Variants in NDUFAF2 observed in about 807,000 individuals in gnomAD.
NDUFAF2 encodes NADH dehydrogenase [ubiquinone] 1 alpha subcomplex assembly factor 2.
A neutral mutation model predicts 22.8 loss-of-function variants in NDUFAF2; 13 were observed. That is an observed-to-expected ratio of 0.57 (90% CI 0.37 to 0.91). The LOEUF is 0.91. NDUFAF2 is among the 40% of genes least tolerant of loss of function. NDUFAF2 has a pLI of 0.01. For synonymous variants in NDUFAF2, 53 were observed against 64.2 expected (o/e 0.83, Z 0.84); for missense variants, 162 against 195.2 (o/e 0.83, Z 1.01).
chr5:61,118,569 A>G (rs971340462), intron 3 of NDUFAF2, among the ~76,000 whole-genome samples: 2 of 151,786 alleles, frequency 1.3e-5, no homozygotes, highest in African/African-American at 4.9e-5. Flanking sequence ...AGCCTTGCCA[A>G]TTAAGTTATA....
intron 3 of NDUFAF2, among the ~76,000 whole-genome samples, chr5:61,138,893 T>C (rs542632058): frequency 6.6e-6 from 1 of 152,202 alleles, no homozygotes; most frequent in Non-Finnish European, 1.5e-5. Flanking sequence ...TTTGGACATA[T>C]TTAATTTAAC....
intron 1 of NDUFAF2, among the ~76,000 whole-genome samples, chr5:60,972,799 T>C (rs1251716175): frequency 2.8e-4 from 43 of 150,960 alleles, no homozygotes; most frequent in Admixed American, 2.2e-3. Context: ...GTTTTCTTTT[T>C]TTTTTTTGCT....
chr5:60,969,565 T>G (rs565612301), intron 1 of NDUFAF2, among the ~76,000 whole-genome samples: 34 of 150,874 alleles, frequency 2.3e-4, no homozygotes, highest in South Asian at 1.0e-3. Flanking sequence ...GATTATCAGG[T>G]TTTTTTTTAC....
At position 61,101,414 on chromosome 5, in the gene NDUFAF2, C is replaced by T. The variant is rs184354443; in HGVS notation, c.258+2382C>T. 2.0e-3 allele frequency among the ~76,000 whole-genome samples: 311 copies of T among 152,200 alleles called. 2 individuals carry two copies. Among genetic ancestry groups the T allele is most frequent in the African/African-American group, 7.2e-3 (298 of 41,550 alleles). On this transcript the variant is annotated intron_variant, in intron 3 of 3. Transcript: ENST00000296597. The stretch of plus-strand genomic sequence containing the variant: ...AGACTTGTCCATTTCGTAAAAACTT[C>T]GTATTTGTTTTAAATCTTTCAGTCT...
intron 1 of NDUFAF2, among the ~76,000 whole-genome samples, chr5:61,066,483 T>A (rs1752229451): frequency 6.6e-6 from 1 of 152,092 alleles, no homozygotes; most frequent in Non-Finnish European, 1.5e-5. Flanking sequence ...AAAATTTTAT[T>A]ACAGAGCTAT....
intron 2 of NDUFAF2, among the ~76,000 whole-genome samples, chr5:61,084,920 C>G (rs1201383982): frequency 6.6e-6 from 1 of 151,998 alleles, no homozygotes; most frequent in African/African-American, 2.4e-5. Flanking sequence ...ACAACATGAC[C>G]CAATTGACAT....
At chr5:61,104,161 A>AG (rs2111774123) in intron 3 of NDUFAF2, among the ~76,000 whole-genome samples, 1 of 152,218 alleles carries the variant, frequency 6.6e-6, no homozygotes, top group African/African-American at 2.4e-5. Flanking sequence ...GCATCTGGTA[A>AG]TAGTTCAGCA....
At chr5:61,066,072 A>G (rs1752224152) in intron 1 of NDUFAF2, among the ~76,000 whole-genome samples, 1 of 152,088 alleles carries the variant, frequency 6.6e-6, no homozygotes, top group South Asian at 2.1e-4. Flanking sequence ...ACACAACCTA[A>G]CTGAAAAAGA....
chr5:61,034,194 G>A (rs946774213), intron 1 of NDUFAF2, among the ~76,000 whole-genome samples: 2 of 152,078 alleles, frequency 1.3e-5, no homozygotes, highest in African/African-American at 4.8e-5. Flanking sequence ...AACAAATATG[G>A]GCAATATACC....
chr5:61,043,987 C>T (rs1342616128), intron 1 of NDUFAF2, among the ~76,000 whole-genome samples: 1 of 152,084 alleles, frequency 6.6e-6, no homozygotes, highest in African/African-American at 2.4e-5. Flanking sequence ...TGCAAGAGTT[C>T]GCTTTTCCCC....
intron 2 of NDUFAF2, among the ~76,000 whole-genome samples, chr5:61,094,272 A>C (rs769810865): frequency 6.6e-6 from 1 of 152,064 alleles, no homozygotes; most frequent in African/African-American, 2.4e-5. Flanking sequence ...AACTTGGTCT[A>C]TTCTGTTATT....
intron 1 of NDUFAF2, among the ~76,000 whole-genome samples, chr5:61,036,049 A>G (rs529775606): frequency 6.6e-6 from 1 of 151,350 alleles, no homozygotes; most frequent in Non-Finnish European, 1.5e-5. Flanking sequence ...TATCTTATTG[A>G]CATCACTTGG....
chr5:61,040,860 A>G (rs2111680846), intron 1 of NDUFAF2, among the ~76,000 whole-genome samples: 1 of 152,336 alleles, frequency 6.6e-6, no homozygotes, highest in East Asian at 1.9e-4. Flanking sequence ...TAGCAAAAGT[A>G]GGATAACTGT....
intron 1 of NDUFAF2, among the ~76,000 whole-genome samples, chr5:60,966,062 C>T (rs1609041): frequency 0.15 from 22,533 of 152,000 alleles, 2,122 homozygotes; most frequent in South Asian, 0.28. Context: ...ACTAGCCATT[C>T]GAATAGGTGC....
chr5:60,972,397 T>G (rs1283376540), intron 1 of NDUFAF2, among the ~76,000 whole-genome samples: 1 of 152,142 alleles, frequency 6.6e-6, no homozygotes, highest in Admixed American at 6.5e-5. Flanking sequence ...CCAATCCTGC[T>G]CTTGTGGTGA....
intron 3 of NDUFAF2, among the ~76,000 whole-genome samples, chr5:61,140,936 T>G (rs993738403): frequency 6.6e-6 from 1 of 152,176 alleles, no homozygotes; most frequent in Non-Finnish European, 1.5e-5. Context: ...GGATAATAAC[T>G]GGGACACCAG....
intron 3 of NDUFAF2, among the ~76,000 whole-genome samples, chr5:61,120,614 A>G (rs1292863227): frequency 6.6e-6 from 1 of 152,150 alleles, no homozygotes; most frequent in Non-Finnish European, 1.5e-5. Context: ...TTGAATATAA[A>G]TAAGGTGCTA....
intron 1 of NDUFAF2, among the ~76,000 whole-genome samples, chr5:60,984,745 C>A (rs1751044850): frequency 6.6e-6 from 1 of 152,082 alleles, no homozygotes; most frequent in Non-Finnish European, 1.5e-5. Flanking sequence ...GGATGAAGCC[C>A]ACTTGATCAT....
intron 1 of NDUFAF2, among the ~76,000 whole-genome samples, chr5:60,998,016 A>T (rs1751249885): frequency 6.6e-6 from 1 of 152,170 alleles, no homozygotes; most frequent in African/African-American, 2.4e-5. Flanking sequence ...GGGGTAGAAA[A>T]TAGTCAAAAT....
Sources: allele counts gnomAD v4.1 joint callset (sites outside exome capture counted in the v4.1 genomes callset), GRCh38; gene constraint gnomAD v4.1.1; transcripts MANE v1.5; gene names NCBI Gene and HGNC (gene_info 2026-07-23, HGNC 2026-07-21).